Variants in CELF4 observed in about 807,000 individuals in gnomAD.
CELF4 encodes the protein CUG-BP- and ETR-3-like factor 4.
A neutral mutation model predicts 59.9 loss-of-function variants in CELF4; 18 were observed. The observed-to-expected ratio is 0.30, with a 90% confidence interval of 0.21 to 0.45. CELF4 has a LOEUF of 0.45. Ranked by LOEUF, CELF4 falls within the 20% of genes least tolerant of loss-of-function variation. The probability of loss-of-function intolerance (pLI) is 1.00; values close to 1 mark genes in which losing one functional copy is unlikely to be tolerated. For synonymous variants in CELF4, 261 were observed against 267.1 expected (o/e 0.98, Z 0.22); for missense variants, 456 against 689.0 (o/e 0.66, Z 3.79).
At chr18:37,367,964 G>C (rs1457415453) in intron 2 of CELF4, among the ~76,000 whole-genome samples, 1 of 151,998 alleles carries the variant, frequency 6.6e-6, no homozygotes, top group Non-Finnish European at 1.5e-5. Flanking sequence ...GTCAGGGGGA[G>C]GGTGGGCTTG....
At chr18:37,274,740 G>A (rs762086455) in intron 5 of CELF4, 65 bp downstream of exon 5, 1 of 1,510,822 alleles carries the variant, frequency 6.6e-7, no homozygotes, top group Non-Finnish European at 8.8e-7. Flanking sequence ...CCGGCGGGGC[G>A]TGGCGGGTGC....
chr18:37,307,552 T>C (rs760667317), intron 3 of CELF4, among the ~76,000 whole-genome samples: 6 of 152,036 alleles, frequency 3.9e-5, no homozygotes, highest in Non-Finnish European at 8.8e-5. Flanking sequence ...ACAAGGAGAA[T>C]GCCAATGTCA....
chr18:37,436,512 G>T (rs1941948), intron 2 of CELF4, among the ~76,000 whole-genome samples: 53,962 of 152,014 alleles, frequency 0.35, 10,188 homozygotes, highest in East Asian at 0.61. Flanking sequence ...GCTGCAGAGG[G>T]GGGATCAAGA....
intron 10 of CELF4, among the ~76,000 whole-genome samples, chr18:37,260,696 A>C (rs2073756360): frequency 6.6e-6 from 1 of 151,218 alleles, no homozygotes; most frequent in Non-Finnish European, 1.5e-5. Flanking sequence ...TCTACCTTCC[A>C]CTCTCCTCCT....
chr18:37,374,642 G>A (rs775344038), intron 2 of CELF4, among the ~76,000 whole-genome samples: 2 of 152,232 alleles, frequency 1.3e-5, no homozygotes, highest in African/African-American at 4.8e-5. Context: ...TCTGGAAGAC[G>A]TGGGGGCATT....
chr18:37,274,008 G>A (rs1468146568), intron 6 of CELF4: 3 of 1,219,280 alleles, frequency 2.5e-6, no homozygotes, highest in South Asian at 2.1e-5. Flanking sequence ...GGGGTTCAAC[G>A]TTGATCTGGC....
intron 1 of CELF4, among the ~76,000 whole-genome samples, chr18:37,547,635 C>A (rs936362986): frequency 6.6e-6 from 1 of 152,204 alleles, no homozygotes; most frequent in Non-Finnish European, 1.5e-5. Flanking sequence ...CAAATGCCTT[C>A]TGTTTATTTG....
intron 2 of CELF4, among the ~76,000 whole-genome samples, chr18:37,427,348 C>G (rs976205399): frequency 2.0e-5 from 3 of 152,280 alleles, no homozygotes; most frequent in African/African-American, 7.2e-5. Context: ...TCCCAATGGA[C>G]TCCCATAGGC....
intron 2 of CELF4, among the ~76,000 whole-genome samples, chr18:37,334,126 T>A (rs773651247): frequency 1.3e-5 from 2 of 152,180 alleles, no homozygotes; most frequent in Non-Finnish European, 2.9e-5. Flanking sequence ...TTAGGCTCCC[T>A]CCTGCATGGG....
chr18:37,554,854 C>T (rs796864757), intron 1 of CELF4, among the ~76,000 whole-genome samples: 16 of 152,268 alleles, frequency 1.1e-4, no homozygotes, highest in African/African-American at 3.4e-4. Context: ...TCCAGGACTG[C>T]CCCAAGAGAA....
rs369715244 is a variant in CELF4 at position 37,311,307 on chromosome 18, G to C, written c.448+10496C>G. Among the ~76,000 whole-genome samples the C allele has an allele frequency of 1.6e-4, 24 of 152,276 alleles. No individual in the cohort carries two copies. In the East Asian group the frequency reaches 3.1e-3, roughly 20 times the overall value. On this transcript the variant is annotated intron_variant, in intron 3 of 12. Coordinates refer to ENST00000420428, the MANE Select transcript of CELF4 (RefSeq NM_020180.4). ...ATTTATAATGTGTGCCTGCTCCGCT[G>C]GTGCCTCTGCAGGGCCCTCTCTGGG... is the stretch of plus-strand genomic sequence containing the variant.
In CELF4 at chr18:37,309,584, G is replaced by A. The variant is rs532558125; in HGVS notation, c.448+12219C>T. ...AGGGCATGACCAGGAAGACTGGATGGGAGAACGAACTAGAGAAACAAGACT... is the reference window on the plus strand; with the variant it reads ...AGGGCATGACCAGGAAGACTGGATGAGAGAACGAACTAGAGAAACAAGACT... On this transcript the variant is annotated intron_variant, in intron 3 of 12. Coordinates refer to ENST00000420428, the MANE Select transcript of CELF4 (RefSeq NM_020180.4). Among the ~76,000 whole-genome samples the A allele has an allele frequency of 3.9e-5, 6 of 152,218 alleles. 1 individual carries two copies. In the South Asian group the frequency reaches 1.2e-3, roughly 32 times the overall value.
chr18:37,440,361 T>C (rs1483485715), intron 2 of CELF4, among the ~76,000 whole-genome samples: 1 of 152,192 alleles, frequency 6.6e-6, no homozygotes, highest in African/African-American at 2.4e-5. Flanking sequence ...CTTGCTCCCA[T>C]TCAGCCCCAC....
chr18:37,509,014 G>A (rs187482920), intron 1 of CELF4, among the ~76,000 whole-genome samples: 1 of 152,138 alleles, frequency 6.6e-6, no homozygotes, highest in African/African-American at 2.4e-5. Context: ...GGTCTTCCCA[G>A]CTCAAAGCCC....
intron 6 of CELF4, 189 bp downstream of exon 6, chr18:37,274,122 A>G: frequency 2.1e-6 from 3 of 1,399,270 alleles, no homozygotes; most frequent in East Asian, 5.6e-5. Context: ...AGCCACCCCA[A>G]CTGGGCCAGC....
At chr18:37,262,830 T>C (rs1315575574) in intron 10 of CELF4, among the ~76,000 whole-genome samples, 2 of 152,122 alleles carry the variant, frequency 1.3e-5, no homozygotes, top group Non-Finnish European at 2.9e-5. Context: ...GGCTGCAGCC[T>C]GATGAGGGGA....
chr18:37,362,492 T>C (rs1603628195), intron 2 of CELF4, among the ~76,000 whole-genome samples: 1 of 151,520 alleles, frequency 6.6e-6, no homozygotes, highest in Admixed American at 6.6e-5. Flanking sequence ...GAGGACAGGG[T>C]TGGGGGGCTG....
chr18:37,476,850 C>T (rs948340552), intron 2 of CELF4, among the ~76,000 whole-genome samples: 2 of 145,720 alleles, frequency 1.4e-5, no homozygotes, highest in Non-Finnish European at 3.1e-5. Flanking sequence ...CCGGTGGACA[C>T]ACACCTCGCT....
chr18:37,491,362 G>A (rs191999319), intron 1 of CELF4, among the ~76,000 whole-genome samples: 46 of 152,250 alleles, frequency 3.0e-4, no homozygotes, highest in Non-Finnish European at 6.0e-4. Flanking sequence ...CACTTTGGCC[G>A]GCACACATGT....
Sources: gnomAD v4.1 joint callset for allele counts (sites outside exome capture counted in the v4.1 genomes callset) on GRCh38, gnomAD v4.1.1 for gene constraint, MANE v1.5 for transcripts, NCBI Gene and HGNC (gene_info 2026-07-23, HGNC 2026-07-21) for gene names.